Variants in NCKAP5 observed in about 807,000 individuals in gnomAD.
NCKAP5 encodes the protein nck-associated protein 5.
In NCKAP5, 92 loss-of-function variants were observed where a neutral mutation model predicts 167.0. That is an observed-to-expected ratio of 0.55 (90% CI 0.47 to 0.66). NCKAP5 has a LOEUF of 0.66. NCKAP5 is among the 30% of genes least tolerant of loss of function. The probability of loss-of-function intolerance (pLI) is 0.00; values close to 1 mark genes in which losing one functional copy is unlikely to be tolerated. For missense variants in NCKAP5, 2,378 were observed against 2,315.0 expected (o/e 1.03, Z -0.56); for synonymous variants, 891 against 877.4 (o/e 1.02, Z -0.27).
chr2:133,384,454 T>C (rs1686775591), intron 3 of NCKAP5, among the ~76,000 whole-genome samples: 1 of 152,252 alleles, frequency 6.6e-6, no homozygotes, highest in African/African-American at 2.4e-5. Flanking sequence ...GTTTGGTTAC[T>C]GTAGCCTTGT....
At chr2:133,512,117 C>T (rs1325674218) in intron 3 of NCKAP5, among the ~76,000 whole-genome samples, 2 of 152,102 alleles carry the variant, frequency 1.3e-5, no homozygotes, top group Non-Finnish European at 2.9e-5. Flanking sequence ...TATTCATAAC[C>T]CACTAGCTGT....
chr2:132,926,885 A>G (rs191419236), intron 8 of NCKAP5, among the ~76,000 whole-genome samples: 2 of 152,220 alleles, frequency 1.3e-5, no homozygotes, highest in East Asian at 3.9e-4. Context: ...ATTAAGTCCC[A>G]TCTGTCAACT....
At chr2:133,657,746 G>A in the NCKAP5 span, among the ~76,000 whole-genome samples, 4 of 152,122 alleles carry the variant, frequency 2.6e-5, no homozygotes, top group East Asian at 1.9e-4. Flanking sequence ...GGAATCACAC[G>A]ACCTGCGGGC....
In NCKAP5 at chr2:133,440,664, G is replaced by A. The variant is rs1012668821; in HGVS notation, c.69+76794C>T. 2.1e-5 allele frequency among the ~76,000 whole-genome samples: 3 copies of A among 145,404 alleles called. No homozygotes were observed. In the South Asian group the frequency reaches 6.6e-4, roughly 32 times the overall value. On this transcript the variant is annotated intron_variant, in intron 3 of 19. Transcript: ENST00000409261. ...GGCGGAGCTTGCAGTGAGCAGAGAT[G>A]GCGCCACTGCACTCCAGCCTGGGCG...
the NCKAP5 span, among the ~76,000 whole-genome samples, chr2:133,633,108 A>G: frequency 6.6e-6 from 1 of 152,206 alleles, no homozygotes. Flanking sequence ...CAGAATGTGC[A>G]AACTAGTGAA....
chr2:132,763,276 G>A (rs1017367321), intron 16 of NCKAP5, among the ~76,000 whole-genome samples: 1 of 152,090 alleles, frequency 6.6e-6, no homozygotes, highest in Non-Finnish European at 1.5e-5. Context: ...CTACCATCTG[G>A]TCCCATCCTA....
the NCKAP5 span, among the ~76,000 whole-genome samples, chr2:133,663,238 A>C: frequency 6.7e-6 from 1 of 149,308 alleles, no homozygotes; most frequent in Non-Finnish European, 1.5e-5. Flanking sequence ...TGCAGTCCGC[A>C]GTCCGGCCTG....
At chr2:132,966,686 T>C (rs897103514) in intron 7 of NCKAP5, among the ~76,000 whole-genome samples, 16 of 152,186 alleles carry the variant, frequency 1.1e-4, no homozygotes, top group Non-Finnish European at 2.2e-4. Context: ...TAAAGACACC[T>C]TACATTTAAC....
At chr2:133,523,784 C>A (rs10172908) in intron 2 of NCKAP5, among the ~76,000 whole-genome samples, 1 of 152,214 alleles carries the variant, frequency 6.6e-6, no homozygotes, top group African/African-American at 2.4e-5. Context: ...AGCTCCCACA[C>A]GGTAGGCATG....
At chr2:133,526,165 GAGGAAGGA>G (rs1203618783) in intron 2 of NCKAP5, among the ~76,000 whole-genome samples, 2,548 of 69,956 alleles carry the variant, frequency 0.036, 118 homozygotes, top group Non-Finnish European at 0.039. Flanking sequence ...GAAAGGGAAT[GAGGAAGGA>G]AGGAAGGAAG....
At chr2:132,923,904 C>T (rs1299390613) in intron 8 of NCKAP5, among the ~76,000 whole-genome samples, 1 of 152,148 alleles carries the variant, frequency 6.6e-6, no homozygotes, top group Admixed American at 6.5e-5. Flanking sequence ...TCAGTCTGTC[C>T]TCCCCTAACC....
intron 17 of NCKAP5, among the ~76,000 whole-genome samples, chr2:132,730,251 T>C (rs1574016315): frequency 6.6e-6 from 1 of 152,290 alleles, no homozygotes; most frequent in East Asian, 1.9e-4. Context: ...CCCAGCACTT[T>C]GGGAGGCCAA....
rs537699082 is a variant in NCKAP5, at chr2:132,861,073, C to T, written c.688-462G>A. ...ATTTGTGAAAACAAGTTGAAATTCTCGGTGATGGGGCTAATAGAGTCAGTG... is the reference window on the plus strand; with the variant it reads ...ATTTGTGAAAACAAGTTGAAATTCTTGGTGATGGGGCTAATAGAGTCAGTG... On this transcript the variant is annotated intron_variant, in intron 10 of 19. Transcript: ENST00000409261. Among the ~76,000 whole-genome samples, 16 of 151,994 alleles carry T rather than the reference C, an allele frequency of 1.1e-4. No homozygotes were observed. The South Asian group carries it at 1.5e-3, about 14-fold the overall frequency.
At chr2:132,865,891 T>C (rs191707096) in intron 10 of NCKAP5, among the ~76,000 whole-genome samples, 15 of 152,266 alleles carry the variant, frequency 9.9e-5, no homozygotes, top group African/African-American at 3.4e-4. Context: ...AAGTGCTGCA[T>C]GTGGGGTCTG....
At chr2:133,563,564 TAAAAAAAAAAA>T (rs57901498) in intron 1 of NCKAP5, among the ~76,000 whole-genome samples, 125 of 53,016 alleles carry the variant, frequency 2.4e-3, no homozygotes, top group South Asian at 5.6e-3. Flanking sequence ...AAAGACTCCA[TAAAAAAAAAAA>T]AAAAAAAAAA....
At chr2:133,275,077 A>G (rs976102347) in intron 4 of NCKAP5, among the ~76,000 whole-genome samples, 1 of 152,054 alleles carries the variant, frequency 6.6e-6, no homozygotes, top group Non-Finnish European at 1.5e-5. Flanking sequence ...AATCAGTGGG[A>G]AAAAGTGAAA....
chr2:133,462,953 C>A (rs1179906174), intron 3 of NCKAP5, among the ~76,000 whole-genome samples: 4 of 152,238 alleles, frequency 2.6e-5, no homozygotes, highest in Non-Finnish European at 5.9e-5. Flanking sequence ...TTCTCTGCCA[C>A]TGCTGACTTC....
intron 1 of NCKAP5, among the ~76,000 whole-genome samples, chr2:133,565,955 G>T (rs920680622): frequency 6.6e-6 from 1 of 152,172 alleles, no homozygotes; most frequent in East Asian, 1.9e-4. Flanking sequence ...ACGGAAAGAG[G>T]TATTTAACAA....
chr2:132,789,896 T>C (rs1485236876), intron 13 of NCKAP5, 127 bp downstream of exon 13: 3 of 797,738 alleles, frequency 3.8e-6, no homozygotes, highest in African/African-American at 3.5e-5. Flanking sequence ...GTCAGTATAA[T>C]ACATGAGCAG....
Sources: allele counts gnomAD v4.1 joint callset (sites outside exome capture counted in the v4.1 genomes callset), GRCh38; gene constraint gnomAD v4.1.1; transcripts MANE v1.5; gene names NCBI Gene and HGNC (gene_info 2026-07-23, HGNC 2026-07-21).